Variants in ENPEP observed in about 807,000 individuals in gnomAD.
The protein encoded by ENPEP is glutamyl aminopeptidase.
Under a neutral mutation model 114.5 loss-of-function variants are expected in ENPEP, and 103 were observed. The observed-to-expected ratio is 0.90, with a 90% CI of 0.77 to 1.06. ENPEP has a LOEUF of 1.06. Among genes scored for constraint, ENPEP ranks in the 50% least tolerant of loss-of-function variants. The pLI is 0.00. For synonymous variants in ENPEP, 420 were observed against 422.0 expected, an observed-to-expected ratio of 1.00 and a Z score of 0.06; for missense variants, 1,196 against 1,161.3, an observed-to-expected ratio of 1.03 and a Z score of -0.43.
Position 110,513,562 on chromosome 4 carries a change from G to T in ENPEP, c.1443+13G>T. ...ATCCTATAGCAAGGTGGGAGAAATA[G>T]AACATTGTTTTGAACATCTTCCTGT... On this transcript the variant is annotated intron_variant, in intron 7 of 19. Coordinates refer to ENST00000265162, the MANE Select transcript of ENPEP (RefSeq NM_001977.4). 1.2e-6 allele frequency: 2 copies of T among 1,610,116 alleles called. No individual in the cohort carries two copies. Among genetic ancestry groups the T allele is most frequent in the South Asian group, 2.2e-5 (2 of 90,044 alleles).
At position 110,563,721 on chromosome 4, in the gene ENPEP, T is replaced by C. The variant is rs1484260487; in HGVS notation, c.*2163T>C. The C allele has an allele frequency of 6.6e-6, 1 of 152,216 alleles. No individual in the cohort carries two copies. The highest frequency in any genetic ancestry group is 1.5e-5 in the Non-Finnish European group (1 of 68,022). The allele number at this position is 152,216 out of a possible 1,614,324, so 9.4% of individuals were successfully genotyped here. On this transcript the variant is annotated 3_prime_UTR_variant, in exon 20 of 20. Transcript: ENST00000265162. ...GGAAAATATGGGAAGCAAGGTCATG[T>C]AGCAAAAAGCAAGGCCAGTATTACT...
intron 3 of ENPEP, among the ~76,000 whole-genome samples, chr4:110,505,536 G>T: frequency 6.6e-6 from 1 of 152,310 alleles, no homozygotes; most frequent in South Asian, 2.1e-4. Context: ...AGGAAAAGGT[G>T]GTTCAAGATG....
At chr4:110,557,018 G>A (rs990871782) in intron 18 of ENPEP, among the ~76,000 whole-genome samples, 1 of 152,068 alleles carries the variant, frequency 6.6e-6, no homozygotes, top group Non-Finnish European at 1.5e-5. Flanking sequence ...AATTATTAAA[G>A]TATAAAAAAG....
chr4:110,491,870 G>T (rs1225797394), intron 3 of ENPEP, among the ~76,000 whole-genome samples: 1 of 151,596 alleles, frequency 6.6e-6, no homozygotes, highest in African/African-American at 2.4e-5. Context: ...ACAGGCACCC[G>T]CCACCACGCC....
chr4:110,479,522 G>A (rs1183504119), intron 1 of ENPEP, among the ~76,000 whole-genome samples: 1 of 152,112 alleles, frequency 6.6e-6, no homozygotes, highest in African/African-American at 2.4e-5. Context: ...GCATGAACAT[G>A]TGTATGCATG....
intron 17 of ENPEP, among the ~76,000 whole-genome samples, 198 bp from the exon 18 acceptor site, chr4:110,553,117 T>C (rs1727348519): frequency 6.6e-6 from 1 of 152,128 alleles, no homozygotes; most frequent in Admixed American, 6.6e-5. Context: ...TTTAAAATCA[T>C]AGGTTGGTCT....
At chr4:110,496,070 G>A (rs1237139126) in intron 3 of ENPEP, among the ~76,000 whole-genome samples, 3 of 152,156 alleles carry the variant, frequency 2.0e-5, no homozygotes, top group African/African-American at 7.2e-5. Context: ...AATCTTACAG[G>A]ATGATCGCTG....
chr4:110,508,194 A>C (rs984900602), intron 4 of ENPEP, among the ~76,000 whole-genome samples: 5 of 148,626 alleles, frequency 3.4e-5, no homozygotes, highest in African/African-American at 1.2e-4. Context: ...GACTCCTTAG[A>C]GGTGACTTCT....
chr4:110,520,451 G>C, intron 10 of ENPEP, 85 bp downstream of exon 10: 1 of 1,367,576 alleles, frequency 7.3e-7, no homozygotes, highest in Non-Finnish European at 1.0e-6. Context: ...TTGAGTACAT[G>C]ATGGATGAGT....
intron 11 of ENPEP, 73 bp from the exon 12 acceptor site, chr4:110,542,678 C>T (rs1726892345): frequency 7.2e-7 from 1 of 1,387,930 alleles, no homozygotes; most frequent in East Asian, 2.4e-5. Flanking sequence ...TCTTTTTGCC[C>T]TCTGGGTCTA....
At position 110,493,431 on chromosome 4, in the gene ENPEP, A is replaced by G. The variant is rs149256430; in HGVS notation, c.918+2267A>G. Among the ~76,000 whole-genome samples the G allele has an allele frequency of 8.5e-5, 13 of 152,356 alleles. No homozygotes were observed. In the East Asian group the frequency reaches 1.7e-3, roughly 20 times the overall value. Reference sequence around the variant, plus strand: ...ACATTACTGTCCAATCATCTATTTTATAAGAGATCAACAGAAGCCAAATTC... The same window carrying G: ...ACATTACTGTCCAATCATCTATTTTGTAAGAGATCAACAGAAGCCAAATTC... On this transcript the variant is annotated intron_variant, in intron 3 of 19. Transcript: ENST00000265162.
chr4:110,546,488 C>G (rs1458538118), intron 13 of ENPEP, among the ~76,000 whole-genome samples: 18 of 151,824 alleles, frequency 1.2e-4, no homozygotes, highest in Admixed American at 9.2e-4. Context: ...GCAGGAGTCA[C>G]TAGGTAAGGG....
intron 10 of ENPEP, among the ~76,000 whole-genome samples, chr4:110,524,399 TAATC>T (rs1183984244): frequency 3.3e-5 from 5 of 152,220 alleles, no homozygotes; most frequent in African/African-American, 4.8e-5. Context: ...CTTACAAACT[TAATC>T]AAGTCCTCTT....
intron 18 of ENPEP, among the ~76,000 whole-genome samples, chr4:110,558,028 T>C (rs918491864): frequency 2.0e-4 from 23 of 112,784 alleles, no homozygotes; most frequent in Non-Finnish European, 3.2e-4. Flanking sequence ...TTGTATATGG[T>C]AGGATTTTTT....
At chr4:110,498,711 G>C (rs2110344021) in intron 3 of ENPEP, among the ~76,000 whole-genome samples, 1 of 152,300 alleles carries the variant, frequency 6.6e-6, no homozygotes, top group East Asian at 1.9e-4. Flanking sequence ...GGTGACGGTG[G>C]CAGTGGTAAC....
rs796623059 is a variant in ENPEP at position 110,482,712 on chromosome 4, A to G, written c.644+5654A>G. Reference sequence around the variant, plus strand: ...TCCCATTGTCAATAAAAATGTCAATAAAGAATAGATTTTAGGTTGGGCGAG... The same window carrying G: ...TCCCATTGTCAATAAAAATGTCAATGAAGAATAGATTTTAGGTTGGGCGAG... On this transcript the variant is annotated intron_variant, in intron 1 of 19. Coordinates refer to ENST00000265162, the MANE Select transcript of ENPEP (RefSeq NM_001977.4). Among the ~76,000 whole-genome samples, 3 of 152,348 alleles carry G rather than the reference A, an allele frequency of 2.0e-5. 1 individual carries two copies. The highest frequency in any genetic ancestry group is 7.2e-5 in the African/African-American group (3 of 41,592).
chr4:110,490,912 TA>T, intron 2 of ENPEP, 120 bp from the exon 3 acceptor site: 1 of 1,076,988 alleles, frequency 9.3e-7, no homozygotes, highest in Non-Finnish European at 1.3e-6. Context: ...ATTTGACCTC[TA>T]AGCTTTGACA....
At chr4:110,494,414 C>T (rs1187497325) in intron 3 of ENPEP, among the ~76,000 whole-genome samples, 2 of 152,100 alleles carry the variant, frequency 1.3e-5, no homozygotes, top group Non-Finnish European at 1.5e-5. Context: ...TTATGTACAC[C>T]ATTAATAGGT....
intron 14 of ENPEP, 152 bp downstream of exon 14, chr4:110,548,478 C>A: frequency 3.7e-6 from 2 of 537,414 alleles, no homozygotes; most frequent in Non-Finnish European, 5.9e-6. Context: ...CTAATCAAAG[C>A]AAAGCTATGC....
Sources: gnomAD v4.1 joint callset for allele counts (sites outside exome capture counted in the v4.1 genomes callset) on GRCh38, gnomAD v4.1.1 for gene constraint, MANE v1.5 for transcripts, NCBI Gene and HGNC (gene_info 2026-07-23, HGNC 2026-07-21) for gene names.